Variants in CDK14 observed in about 807,000 individuals in gnomAD.
CDK14 encodes cyclin-dependent kinase 14.
In CDK14, 34 loss-of-function variants were observed where a neutral mutation model predicts 60.7. The observed-to-expected ratio is 0.56, with a 90% CI of 0.43 to 0.75. CDK14 has a LOEUF of 0.75. Among genes scored for constraint, CDK14 ranks in the 30% least tolerant of loss-of-function variants. The probability of loss-of-function intolerance (pLI) is 0.00; values close to 1 mark genes in which losing one functional copy is unlikely to be tolerated. For missense variants in CDK14, 482 were observed against 564.1 expected, an observed-to-expected ratio of 0.85 and a Z score of 1.47; for synonymous variants, 197 against 203.7, an observed-to-expected ratio of 0.97 and a Z score of 0.28.
intron 5 of CDK14, among the ~76,000 whole-genome samples, chr7:90,814,183 T>C (rs1431429327): frequency 6.6e-6 from 1 of 152,216 alleles, no homozygotes; most frequent in East Asian, 1.9e-4. Context: ...TATAGGACTG[T>C]AATTGCCAAA....
At chr7:91,154,903 G>GA (rs1800940347) in intron 14 of CDK14, among the ~76,000 whole-genome samples, 1 of 152,140 alleles carries the variant, frequency 6.6e-6, no homozygotes, top group African/African-American at 2.4e-5. Context: ...GGAGATAAGT[G>GA]AAAAAATGAG....
chr7:90,745,123 C>T (rs1487880135), intron 3 of CDK14, among the ~76,000 whole-genome samples: 2 of 152,100 alleles, frequency 1.3e-5, no homozygotes, highest in Non-Finnish European at 2.9e-5. Context: ...TTTGGAGTTT[C>T]AATCTGTATC....
intron 2 of CDK14, among the ~76,000 whole-genome samples, chr7:90,724,490 A>ATT (rs202040249): frequency 7.0e-6 from 1 of 143,440 alleles, no homozygotes; most frequent in African/African-American, 2.6e-5. Flanking sequence ...TTATTTATTT[A>ATT]TTTTTTTTTT....
intron 4 of CDK14, among the ~76,000 whole-genome samples, chr7:90,773,514 CTTTATT>C (rs368190268): frequency 7.4e-4 from 113 of 152,246 alleles, no homozygotes; most frequent in African/African-American, 2.5e-3. Context: ...TTTGCTTTTA[CTTTATT>C]TTTAGAGACA....
intron 7 of CDK14, among the ~76,000 whole-genome samples, chr7:90,917,237 A>G (rs958527427): frequency 2.6e-5 from 4 of 152,120 alleles, no homozygotes; most frequent in Non-Finnish European, 5.9e-5. Context: ...TAATCTCTAT[A>G]ATATTATGAA....
At chr7:91,127,003 A>C (rs1799969951) in intron 14 of CDK14, among the ~76,000 whole-genome samples, 1 of 152,132 alleles carries the variant, frequency 6.6e-6, no homozygotes, top group Non-Finnish European at 1.5e-5. Flanking sequence ...TCGAAATGGG[A>C]AATGTCATGA....
At chr7:90,882,305 C>CA (rs1474352376) in intron 6 of CDK14, among the ~76,000 whole-genome samples, 1 of 143,118 alleles carries the variant, frequency 7.0e-6, no homozygotes, top group African/African-American at 2.6e-5. Context: ...TAGTCTCTGA[C>CA]AAAACAGACT....
chr7:90,613,255 T>G (rs1009186122), intron 2 of CDK14, among the ~76,000 whole-genome samples: 4 of 152,236 alleles, frequency 2.6e-5, no homozygotes, highest in Non-Finnish European at 4.4e-5. Context: ...AGGCAGAATA[T>G]TACAGAAATG....
chr7:91,092,125 G>A (rs1220631372), intron 12 of CDK14, among the ~76,000 whole-genome samples: 1 of 152,106 alleles, frequency 6.6e-6, no homozygotes, highest in African/African-American at 2.4e-5. Flanking sequence ...GCCAATTTGG[G>A]TTTTCTTAAA....
intron 14 of CDK14, among the ~76,000 whole-genome samples, chr7:91,126,841 A>C (rs540409037): frequency 1.1e-4 from 16 of 150,606 alleles, no homozygotes; most frequent in African/African-American, 3.7e-4. Flanking sequence ...TCTTTTTTTT[A>C]TTTTTTTTTC....
At chr7:90,990,651 T>G (rs981279877) in intron 10 of CDK14, among the ~76,000 whole-genome samples, 7 of 152,162 alleles carry the variant, frequency 4.6e-5, no homozygotes, top group African/African-American at 1.7e-4. Context: ...TTTTCACAAT[T>G]GAGTTCATGA....
chr7:90,845,497 CTTT>C (rs578062652), intron 5 of CDK14, among the ~76,000 whole-genome samples: 1 of 138,388 alleles, frequency 7.2e-6, no homozygotes, highest in Non-Finnish European at 1.6e-5. Context: ...TTTTGGTTTT[CTTT>C]TTTTTTTTTT....
At chr7:90,967,967 T>C (rs1794807862) in intron 9 of CDK14, among the ~76,000 whole-genome samples, 1 of 152,208 alleles carries the variant, frequency 6.6e-6, no homozygotes, top group Non-Finnish European at 1.5e-5. Flanking sequence ...ACCAGAATAT[T>C]ACAAGGATAT....
intron 10 of CDK14, among the ~76,000 whole-genome samples, chr7:90,988,820 G>A (rs183963127): frequency 6.6e-6 from 1 of 152,180 alleles, no homozygotes; most frequent in East Asian, 1.9e-4. Flanking sequence ...TTTTCTCTCT[G>A]CATTTGAACG....
At chr7:90,849,110 G>A (rs897502937) in intron 5 of CDK14, among the ~76,000 whole-genome samples, 1 of 152,144 alleles carries the variant, frequency 6.6e-6, no homozygotes, top group Non-Finnish European at 1.5e-5. Flanking sequence ...CTGTTGGGAG[G>A]TGTTTGGGTC....
At chr7:90,799,820 A>G (rs929502059) in intron 5 of CDK14, among the ~76,000 whole-genome samples, 3 of 147,386 alleles carry the variant, frequency 2.0e-5, no homozygotes, top group Non-Finnish European at 4.6e-5. Context: ...CATTTCATAC[A>G]GAGGGTTGTG....
At position 91,167,187 on chromosome 7, in the gene CDK14, A is replaced by G. The variant is rs1404394735; in HGVS notation, c.*29-39978A>G. Among the ~76,000 whole-genome samples, 5 of 152,234 alleles carry G rather than the reference A, an allele frequency of 3.3e-5. No individual in the cohort carries two copies. The South Asian group carries it at 8.3e-4, about 25-fold the overall frequency. On this transcript the variant is annotated intron_variant, in intron 14 of 14. Coordinates refer to ENST00000380050, the MANE Select transcript of CDK14 (RefSeq NM_001287135.2). ...TTTCACAGTCTTTTGTCACCGAACA[A>G]CACACAGACAAAATGGAATTCAATC...
intron 2 of CDK14, among the ~76,000 whole-genome samples, chr7:90,656,664 C>T (rs1800757489): frequency 6.6e-6 from 1 of 152,186 alleles, no homozygotes; most frequent in African/African-American, 2.4e-5. Flanking sequence ...AGGCGTGAGC[C>T]ACCGCGCCCC....
intron 2 of CDK14, among the ~76,000 whole-genome samples, chr7:90,635,540 T>C (rs992370329): frequency 1.3e-5 from 2 of 152,230 alleles, no homozygotes; most frequent in African/African-American, 4.8e-5. Flanking sequence ...ACTGTAGCCT[T>C]GTAGTATAGT....
Sources: gnomAD v4.1 joint callset for allele counts (sites outside exome capture counted in the v4.1 genomes callset) on GRCh38, gnomAD v4.1.1 for gene constraint, MANE v1.5 for transcripts, NCBI Gene and HGNC (gene_info 2026-07-23, HGNC 2026-07-21) for gene names.